The following GPR137B variants were observed in gnomAD, a reference collection of about 807,000 sequenced individuals.
GPR137B encodes G protein-coupled receptor 137B, also known as integral membrane protein GPR137B.
Under a neutral mutation model 42.5 loss-of-function variants are expected in GPR137B, and 42 were observed. That is an observed-to-expected ratio of 0.99 (90% CI 0.77 to 1.28). The LOEUF (loss-of-function observed/expected upper bound fraction) is 1.28. Ranked by LOEUF, GPR137B falls within the 50% of genes most tolerant of loss-of-function variation. The probability of loss-of-function intolerance (pLI) is 0.00; values close to 1 mark genes in which losing one functional copy is unlikely to be tolerated. For missense variants in GPR137B, 487 were observed against 493.9 expected (o/e 0.99, Z 0.13); for synonymous variants, 218 against 209.7 (o/e 1.04, Z -0.34).
In GPR137B at chr1:236,180,022, A is replaced by G. The variant is rs1662821393; in HGVS notation, c.831A>G (p.Ser277=). The G allele has an allele frequency of 6.2e-7, 1 of 1,613,596 alleles. No individual in the cohort carries two copies. ...HSFDYDWYNV[S]DQADLKNQLG... ...TTGATTATGACTGGTACAATGTATC[A>G]GACCAGGTCAGTGGGGGCGCTGAGG... The change falls in exon 4 of 7, where the codon TCA becomes TCG. Residue 277 remains serine, a synonymous_variant. Transcript: ENST00000366592.
intron 2 of GPR137B, 66 bp downstream of exon 2, chr1:236,168,821 C>T: frequency 1.7e-6 from 2 of 1,150,234 alleles, no homozygotes; most frequent in Non-Finnish European, 1.3e-6. Flanking sequence ...AATCTCATCT[C>T]TCCATTGGGG....
chr1:236,170,563 A>C (rs1282132168), intron 2 of GPR137B, among the ~76,000 whole-genome samples: 1 of 152,162 alleles, frequency 6.6e-6, no homozygotes, highest in Non-Finnish European at 1.5e-5. Context: ...TTCAGCGTCC[A>C]CTGTGAAATG....
chr1:236,200,863 G>C (rs1281777173), intron 5 of GPR137B, among the ~76,000 whole-genome samples: 1 of 151,412 alleles, frequency 6.6e-6, no homozygotes, highest in African/African-American at 2.4e-5. Flanking sequence ...TGAGATGTGA[G>C]ACTGTTTTAT....
At chr1:236,169,278 C>T (rs904577854) in intron 2 of GPR137B, among the ~76,000 whole-genome samples, 70 of 151,712 alleles carry the variant, frequency 4.6e-4, no homozygotes, top group African/African-American at 1.7e-3. Context: ...CTCGCCCCTG[C>T]AGCCTGCCAC....
intron 1 of GPR137B, among the ~76,000 whole-genome samples, chr1:236,145,028 TG>T (rs1319037800): frequency 6.6e-6 from 1 of 152,258 alleles, no homozygotes; most frequent in Non-Finnish European, 1.5e-5. Context: ...GTCACGGCCC[TG>T]TACTCTTTAT....
At position 236,179,378 on chromosome 1, in the gene GPR137B, CA is replaced by C. The variant is rs375681235; in HGVS notation, c.688-500del. Among the ~76,000 whole-genome samples the C allele has an allele frequency of 6.5e-4, 99 of 152,226 alleles. No individual in the cohort carries two copies. In the East Asian group the frequency reaches 0.019, roughly 28 times the overall value. ...ACGTGGGGCACAAATCACTGATTTC[CA>C]GGTAATTCCGAGTCCAAAGTCACAT... On this transcript the variant is annotated intron_variant, in intron 3 of 6. Coordinates refer to ENST00000366592, the MANE Select transcript of GPR137B (RefSeq NM_003272.4).
At chr1:236,161,243 T>C (rs1353906764) in intron 1 of GPR137B, among the ~76,000 whole-genome samples, 1 of 152,068 alleles carries the variant, frequency 6.6e-6, no homozygotes, top group Non-Finnish European at 1.5e-5. Flanking sequence ...GCTGTGCCAA[T>C]GCTCCCCCGA....
At chr1:236,143,846 T>C (rs896420884) in intron 1 of GPR137B, among the ~76,000 whole-genome samples, 11 of 152,248 alleles carry the variant, frequency 7.2e-5, no homozygotes, top group African/African-American at 2.7e-4. Context: ...GCAGTAATTG[T>C]TGAGCACTTT....
intron 1 of GPR137B, among the ~76,000 whole-genome samples, chr1:236,161,369 C>G (rs757684154): frequency 5.3e-5 from 8 of 151,950 alleles, no homozygotes; most frequent in Non-Finnish European, 1.0e-4. Context: ...TCTCCTCACC[C>G]CCTCCCTCAC....
At chr1:236,203,521 T>A (rs1663562597) in intron 5 of GPR137B, among the ~76,000 whole-genome samples, 1 of 152,234 alleles carries the variant, frequency 6.6e-6, no homozygotes, top group Non-Finnish European at 1.5e-5. Flanking sequence ...TGGTTCTGTA[T>A]AAATTTTAGG....
intron 5 of GPR137B, among the ~76,000 whole-genome samples, chr1:236,184,739 A>G (rs919586129): frequency 1.3e-5 from 2 of 151,730 alleles, no homozygotes; most frequent in East Asian, 1.9e-4. Context: ...TCCAGAGTCA[A>G]TGGTGGTTTT....
intron 1 of GPR137B, among the ~76,000 whole-genome samples, chr1:236,166,352 A>G (rs1662352193): frequency 6.6e-6 from 1 of 151,534 alleles, no homozygotes; most frequent in Non-Finnish European, 1.5e-5. Context: ...CTTGCCTAAA[A>G]TCCCGTGGTG....
intron 5 of GPR137B, among the ~76,000 whole-genome samples, chr1:236,192,729 C>A (rs191161210): frequency 1.5e-3 from 235 of 152,254 alleles, no homozygotes; most frequent in Non-Finnish European, 2.7e-3. Context: ...ATGCAGAAAT[C>A]ACCCACCTTC....
At chr1:236,170,941 A>C (rs887923647) in intron 2 of GPR137B, among the ~76,000 whole-genome samples, 1 of 149,676 alleles carries the variant, frequency 6.7e-6, no homozygotes, top group Admixed American at 6.8e-5. Context: ...ATGCCACTGC[A>C]CTCCAGCCTG....
chr1:236,179,011 A>G (rs902617414), intron 3 of GPR137B, among the ~76,000 whole-genome samples: 6 of 151,366 alleles, frequency 4.0e-5, no homozygotes, highest in African/African-American at 1.5e-4. Context: ...GTTAGCCAGG[A>G]TGGTCTCAAT....
intron 4 of GPR137B, chr1:236,180,244 A>G: frequency 2.0e-6 from 1 of 511,080 alleles, no homozygotes; most frequent in South Asian, 3.1e-5. Flanking sequence ...AATGCTATGT[A>G]AACAGTTGTT....
At chr1:236,189,377 T>A (rs562769457) in intron 5 of GPR137B, among the ~76,000 whole-genome samples, 20 of 152,328 alleles carry the variant, frequency 1.3e-4, no homozygotes, top group South Asian at 6.2e-4. Flanking sequence ...ATTTGTTTGC[T>A]CTTGCTTCCC....
At chr1:236,152,655 G>A (rs1661902621) in intron 1 of GPR137B, among the ~76,000 whole-genome samples, 1 of 152,102 alleles carries the variant, frequency 6.6e-6, no homozygotes, top group Non-Finnish European at 1.5e-5. Flanking sequence ...TGAGGAGGCT[G>A]AGACAGGAGA....
intron 1 of GPR137B, among the ~76,000 whole-genome samples, chr1:236,164,001 C>T (rs1362182488): frequency 6.6e-6 from 1 of 151,880 alleles, no homozygotes; most frequent in East Asian, 1.9e-4. Flanking sequence ...CTCCTCACAC[C>T]TCCCATGCCT....
Sources: gnomAD v4.1 joint callset for allele counts (sites outside exome capture counted in the v4.1 genomes callset) on GRCh38, gnomAD v4.1.1 for gene constraint, MANE v1.5 for transcripts, NCBI Gene and HGNC (gene_info 2026-07-23, HGNC 2026-07-21) for gene names.